FARSA: variants seen among roughly 807,000 people sequenced by gnomAD.
The protein encoded by FARSA is phenylalanyl-tRNA synthetase subunit alpha.
A neutral mutation model predicts 63.2 loss-of-function variants in FARSA; 37 were observed. The ratio of observed to expected loss-of-function variants is 0.59; its 90% confidence interval spans 0.45 to 0.77. The LOEUF (loss-of-function observed/expected upper bound fraction) is 0.77. FARSA is among the 30% of genes least tolerant of loss of function. The pLI is 0.00. For missense variants in FARSA, 618 were observed against 696.6 expected, an observed-to-expected ratio of 0.89 and a Z score of 1.27; for synonymous variants, 312 against 285.1, an observed-to-expected ratio of 1.09 and a Z score of -0.95.
intron 7 of FARSA, among the ~76,000 whole-genome samples, chr19:12,928,051 T>C (rs1265422236): frequency 1.6e-5 from 2 of 123,042 alleles, no homozygotes; most frequent in Non-Finnish European, 3.4e-5. Flanking sequence ...AAAAAAAGAC[T>C]GCAGGTGGCA....
chr19:12,933,658 C>A lies in FARSA; in HGVS notation c.39G>T (p.Arg13=). ...CCAGGCCGCCATCAGACGCCTCCAGCCGCCGGAGCAGCAGTTCCGCCACCT... is the reference window on the plus strand; with the variant it reads ...CCAGGCCGCCATCAGACGCCTCCAGACGCCGGAGCAGCAGTTCCGCCACCT... ...DGQVAELLLR[R]LEASDGGLDS... The change falls in exon 1 of 13, where the codon CGG becomes CGT. Residue 13 remains arginine, a synonymous_variant. Transcript: ENST00000314606. 1 of 1,568,610 alleles carries A rather than the reference C, an allele frequency of 6.4e-7. No homozygotes were observed. The highest frequency in any genetic ancestry group is 8.6e-7 in the Non-Finnish European group (1 of 1,160,974).
chr19:12,933,702 C>CT lies in FARSA; in HGVS notation c.-7dup, dbSNP rs1568446540. On this transcript the variant is annotated 5_prime_UTR_variant, in exon 1 of 13. Transcript: ENST00000314606. ...GCCACCTGACCATCCGCCATGACTC[C>CT]TTCCAGTGTGCTCAGCGTGTCCGGG... 1.3e-6 allele frequency: 2 copies of CT among 1,561,666 alleles called. No homozygotes were observed. Among genetic ancestry groups the CT allele is most frequent in the Admixed American group, 3.7e-5 (2 of 54,702 alleles).
rs1762158773 is a variant in FARSA, at chr19:12,925,005, T to G, written c.927-2A>C. On this transcript the variant is annotated splice_acceptor_variant, in intron 8 of 12. Coordinates refer to ENST00000314606, the MANE Select transcript of FARSA (RefSeq NM_004461.3). LOFTEE classifies it high-confidence loss of function. ...TCCAGCTTCCAGTTATACTTGTACC[T>G]TCAGGAGGGAAGGTGGGAAGTCCAT... 1.9e-6 allele frequency: 3 copies of G among 1,613,946 alleles called. No homozygotes were observed. In the Admixed American group the frequency reaches 5.0e-5, roughly 27 times the overall value.
intron 7 of FARSA, among the ~76,000 whole-genome samples, chr19:12,927,896 C>T (rs930313314): frequency 2.0e-5 from 3 of 151,380 alleles, no homozygotes; most frequent in Non-Finnish European, 4.4e-5. Context: ...GTGGTATGCA[C>T]CTGTAATCCC....
At chr19:12,925,224 C>T (rs1971313626) in intron 7 of FARSA, 50 bp from the exon 8 acceptor site, 13 of 1,164,584 alleles carry the variant, frequency 1.1e-5, no homozygotes, top group South Asian at 1.6e-5. Context: ...TTTCCCACCC[C>T]TTTTTTTTTT....
chr19:12,928,372 G>C lies in FARSA; in HGVS notation c.811C>G (p.Arg271Gly). The C allele has an allele frequency of 6.2e-7, 1 of 1,614,112 alleles. No homozygotes were observed. The highest frequency in any genetic ancestry group is 8.5e-7 in the Non-Finnish European group (1 of 1,180,010). The stretch of plus-strand genomic sequence containing the variant: ...AGGAAGAAGGTGTCGTGCTGGTCAC[G>C]GGCTGGGTGCTGCTGGGGCTGGAAG... The part of the protein sequence containing the change: ...ALFQPQQHPA[R>G]DQHDTFFLRD... The change falls in exon 7 of 13, where the codon CGT becomes GGT. Residue 271 changes from arginine (R) to glycine (G), a missense_variant. By Grantham distance (125) the Arg-to-Gly change is moderately radical (BLOSUM62 -2). Coordinates refer to ENST00000314606, the MANE Select transcript of FARSA (RefSeq NM_004461.3).
At position 12,928,554 on chromosome 19, in the gene FARSA, G is replaced by C. The variant is rs1434642387; in HGVS notation, c.706C>G (p.Gln236Glu). The C allele has an allele frequency of 2.5e-6, 4 of 1,613,990 alleles. No homozygotes were observed. Among genetic ancestry groups the C allele is most frequent in the East Asian group, 4.5e-5 (2 of 44,894 alleles). ...PLLKVRSQFR[Q>E]IFLEMGFTEM... ...GCTCACCCCATCTCCAGGAAGATCT[G>C]TCGGAACTGGGAGCGGACCTTGAGC... Residue 236 changes from glutamine to glutamate, a missense_variant, in exon 6 of 13, where the codon CAG (glutamine) becomes GAG (glutamate). Gln to Glu is a conservative substitution (Grantham distance 29). Coordinates refer to ENST00000314606, the MANE Select transcript of FARSA (RefSeq NM_004461.3).
intron 1 of FARSA, chr19:12,933,052 G>A (rs2096720892): frequency 6.2e-6 from 1 of 162,468 alleles, no homozygotes; most frequent in Non-Finnish European, 1.4e-5. Context: ...AGACCTAAGA[G>A]GCTTTGCAAT....
At chr19:12,923,872 A>G (rs1371298035) in intron 12 of FARSA, among the ~76,000 whole-genome samples, 2 of 152,154 alleles carry the variant, frequency 1.3e-5, no homozygotes, top group African/African-American at 4.8e-5. Flanking sequence ...TTGGCCTCCC[A>G]CAGCACTGGG....
Position 12,928,662 on chromosome 19 carries a change from C to T in FARSA, c.598G>A (p.Gly200Ser), listed in dbSNP as rs1971355509. ...TELSPEMISS[G>S]SWRDRPFKPY... ...TTGAAGGGCCGGTCCCGCCAAGAGCCACTGGGGGAGGATGCAAGGGCCTGG... is the reference window on the plus strand; with the variant it reads ...TTGAAGGGCCGGTCCCGCCAAGAGCTACTGGGGGAGGATGCAAGGGCCTGG... Residue 200 changes from glycine to serine, a missense_variant and splice_region_variant, in exon 6 of 13, where the codon GGC becomes AGC. Coordinates refer to ENST00000314606, the MANE Select transcript of FARSA (RefSeq NM_004461.3). 27 of 1,612,854 alleles carry T rather than the reference C, an allele frequency of 1.7e-5. No individual in the cohort carries two copies. Among genetic ancestry groups the T allele is most frequent in the Non-Finnish European group, 2.0e-5 (24 of 1,179,396 alleles).
chr19:12,925,712 T>C (rs1305591087), intron 7 of FARSA, among the ~76,000 whole-genome samples: 3 of 150,862 alleles, frequency 2.0e-5, no homozygotes, highest in Non-Finnish European at 3.0e-5. Context: ...CTTGCTCTGT[T>C]GCCCAGGCTG....
Position 12,930,487 on chromosome 19 carries a change from G to A in FARSA, c.326C>T (p.Ser109Phe). 6.2e-7 allele frequency: 1 copy of A among 1,614,230 alleles called. No homozygotes were observed. Among genetic ancestry groups the A allele is most frequent in the Non-Finnish European group, 8.5e-7 (1 of 1,180,036 alleles). ...SGKVGFSKAM[S>F]NKWIRVDKSA... ...CTTGTCCACCCGAATCCACTTGTTGGACATGGCCTTGCTGAAGCCCACTTT... is the reference window on the plus strand; with the variant it reads ...CTTGTCCACCCGAATCCACTTGTTGAACATGGCCTTGCTGAAGCCCACTTT... The change falls in exon 3 of 13, where the codon TCC (serine) becomes TTC (phenylalanine). Residue 109 changes from serine to phenylalanine, a missense_variant. By Grantham distance (155) the Ser-to-Phe change is radical. Coordinates refer to ENST00000314606, the MANE Select transcript of FARSA (RefSeq NM_004461.3).
chr19:12,923,591 T>G (rs1452625206), intron 12 of FARSA, among the ~76,000 whole-genome samples: 2 of 152,224 alleles, frequency 1.3e-5, no homozygotes, highest in Non-Finnish European at 2.9e-5. Context: ...ACGATTCTCC[T>G]GCCTCAGCCT....
At chr19:12,933,267 T>C in intron 1 of FARSA, 1 of 445,930 alleles carries the variant, frequency 2.2e-6, no homozygotes, top group Non-Finnish European at 4.0e-6. Flanking sequence ...AGCACCTTCC[T>C]ATTACGTCGC....
intron 12 of FARSA, among the ~76,000 whole-genome samples, chr19:12,923,265 G>A (rs1433625417): frequency 6.6e-6 from 1 of 152,058 alleles, no homozygotes; most frequent in Non-Finnish European, 1.5e-5. Flanking sequence ...ACCACTTACT[G>A]CCCTGGTACA....
chr19:12,930,592 A>G lies in FARSA; in HGVS notation c.285+20T>C, dbSNP rs772201728. Reference sequence around the variant, plus strand: ...ACCTTCATCCCATCACTCACTCCCCATTCACCCCGCAGCTCCTACCATAAG... The same window carrying G: ...ACCTTCATCCCATCACTCACTCCCCGTTCACCCCGCAGCTCCTACCATAAG... On this transcript the variant is annotated intron_variant, in intron 2 of 12. Transcript: ENST00000314606. The G allele has an allele frequency of 6.2e-7, 1 of 1,607,738 alleles. No homozygotes were observed. Among genetic ancestry groups the G allele is most frequent in the South Asian group, 1.1e-5 (1 of 90,338 alleles).
chr19:12,929,270 G>A (rs929278347), intron 4 of FARSA, among the ~76,000 whole-genome samples: 5 of 152,122 alleles, frequency 3.3e-5, no homozygotes, highest in Non-Finnish European at 7.4e-5. Context: ...GCAATGGCAC[G>A]GTCTCAGCTC....
Position 12,928,461 on chromosome 19 carries a change from G to A in FARSA, c.726-4C>T. 6.2e-7 allele frequency: 1 copy of A among 1,614,102 alleles called. No homozygotes were observed. Among genetic ancestry groups the A allele is most frequent in the Non-Finnish European group, 8.5e-7 (1 of 1,179,976 alleles). On this transcript the variant is annotated splice_polypyrimidine_tract_variant and splice_region_variant and intron_variant, in intron 6 of 12. Coordinates refer to ENST00000314606, the MANE Select transcript of FARSA (RefSeq NM_004461.3). ...ATCAGTCGGCATCTCGGTGAACCTG[G>A]TGGGAGACACAGCCTGACTGCCCTG...
chr19:12,922,749 C>G lies in FARSA; in HGVS notation c.1526G>C (p.Ter509SerextTer5). 6.2e-7 allele frequency: 1 copy of G among 1,613,664 alleles called. No individual in the cohort carries two copies. Among genetic ancestry groups the G allele is most frequent in the African/African-American group, 1.3e-5 (1 of 75,038 alleles). The change falls in exon 13 of 13, where the codon TGA (stop) becomes TCA (serine). Residue 509 changes from the stop codon to serine (S), a stop_lost. Transcript: ENST00000314606. ...TGACCTGTCCTAGAGTGGCCCATGTCACGCAGCCTCCTGTGTGGGAGGGGG... is the reference window on the plus strand; with the variant it reads ...TGACCTGTCCTAGAGTGGCCCATGTGACGCAGCCTCCTGTGTGGGAGGGGG... ...PRPPPTQEAA[*>S] is the part of the protein sequence containing the mutation.
Sources: allele counts gnomAD v4.1 joint callset (sites outside exome capture counted in the v4.1 genomes callset), GRCh38; gene constraint gnomAD v4.1.1; transcripts MANE v1.5; gene names NCBI Gene and HGNC (gene_info 2026-07-23, HGNC 2026-07-21).